ELAVL2: variants seen among roughly 807,000 people sequenced by gnomAD.
ELAVL2 encodes the protein ELAV like RNA binding protein 2, also known as ELAV-like protein 2.
ELAVL2 carries 4 observed loss-of-function variants against 34.6 expected under a neutral mutation model. The observed-to-expected ratio is 0.12, with a 90% CI of 0.06 to 0.26. The LOEUF is 0.26. Ranked by LOEUF, ELAVL2 falls within the 10% of genes least tolerant of loss-of-function variation. ELAVL2 has a pLI of 1.00. For missense variants in ELAVL2, 432 were observed against 442.8 expected (o/e 0.98, Z 0.22); for synonymous variants, 193 against 154.8 (o/e 1.25, Z -1.83).
intron 1 of ELAVL2, among the ~76,000 whole-genome samples, chr9:23,816,292 G>A (rs1775122): frequency 2.3e-5 from 1 of 43,102 alleles, no homozygotes; most frequent in Non-Finnish European, 4.1e-5. Context: ...AATTAGTCAA[G>A]AAAGTGTGTA....
intron 3 of ELAVL2, among the ~76,000 whole-genome samples, chr9:23,707,937 G>A (rs1412563612): frequency 6.6e-6 from 1 of 152,174 alleles, no homozygotes; most frequent in African/African-American, 2.4e-5. Flanking sequence ...CAATTCAGAT[G>A]AGTGTAGGTG....
chr9:23,749,668 A>T (rs756493301), intron 2 of ELAVL2, among the ~76,000 whole-genome samples: 42 of 152,126 alleles, frequency 2.8e-4, no homozygotes, highest in Non-Finnish European at 5.6e-4. Flanking sequence ...AGGGTGCAGA[A>T]CGTGACTTTT....
Position 23,762,202 on chromosome 9 carries a change from G to A in ELAVL2, c.33C>T (p.Cys11=), listed in dbSNP as rs935812481. The change falls in exon 2 of 7, where the codon TGC becomes TGT. Residue 11 remains cysteine, a synonymous_variant. Coordinates refer to ENST00000397312, the MANE Select transcript of ELAVL2 (RefSeq NM_004432.5). METQLSNGPT[C]NNTANGPTTI... Reference sequence around the variant, plus strand: ...TGGTTGGACCATTGGCTGTGTTATTGCAAGTTGGCCCATTAGACAGTTGTG... The same window carrying A: ...TGGTTGGACCATTGGCTGTGTTATTACAAGTTGGCCCATTAGACAGTTGTG... 3 of 1,613,526 alleles carry A rather than the reference G, an allele frequency of 1.9e-6. No homozygotes were observed.
intron 1 of ELAVL2, among the ~76,000 whole-genome samples, chr9:23,777,762 G>T (rs2058453874): frequency 6.6e-6 from 1 of 152,112 alleles, no homozygotes; most frequent in African/African-American, 2.4e-5. Flanking sequence ...TGCATCGCTG[G>T]CTACCAAGAC....
intron 6 of ELAVL2, 136 bp downstream of exon 6, chr9:23,693,312 G>A: frequency 2.8e-6 from 3 of 1,071,280 alleles, no homozygotes; most frequent in African/African-American, 3.2e-5. Flanking sequence ...GCTTCAAAGA[G>A]CAGCTTTTCA....
chr9:23,770,998 G>A (rs2057205931), intron 1 of ELAVL2, among the ~76,000 whole-genome samples: 2 of 152,096 alleles, frequency 1.3e-5, no homozygotes, highest in South Asian at 4.1e-4. Context: ...GGGCCTTGAA[G>A]GCCACCATAA....
At chr9:23,791,209 G>T (rs2060281731) in intron 1 of ELAVL2, among the ~76,000 whole-genome samples, 1 of 152,160 alleles carries the variant, frequency 6.6e-6, no homozygotes, top group Non-Finnish European at 1.5e-5. Flanking sequence ...AAATGGAAAA[G>T]AAATCTCCAG....
chr9:23,697,470 A>G (rs982243102), intron 5 of ELAVL2, among the ~76,000 whole-genome samples: 1 of 152,234 alleles, frequency 6.6e-6, no homozygotes. Context: ...GACATTTAAT[A>G]CAGATTGTCT....
intron 3 of ELAVL2, among the ~76,000 whole-genome samples, chr9:23,726,149 A>T (rs2045096225): frequency 6.6e-6 from 1 of 152,138 alleles, no homozygotes; most frequent in African/African-American, 2.4e-5. Context: ...TATAAATTTA[A>T]CAAAAAGTTA....
In ELAVL2 at chr9:23,811,985, G is replaced by C. The variant is rs542908188; in HGVS notation, c.-16+13821C>G. The stretch of plus-strand genomic sequence containing the variant: ...AAATAGACAAAATGGACCAAGAAAA[G>C]ACACAGTCCTGTCCCTAAAGCAATA... On this transcript the variant is annotated intron_variant, in intron 1 of 6. Coordinates refer to ENST00000397312, the MANE Select transcript of ELAVL2 (RefSeq NM_004432.5). Among the ~76,000 whole-genome samples the C allele has an allele frequency of 2.0e-5, 3 of 152,214 alleles. No homozygotes were observed. The East Asian group carries it at 5.8e-4, about 29-fold the overall frequency.
At chr9:23,735,916 G>A (rs906613138) in intron 2 of ELAVL2, among the ~76,000 whole-genome samples, 1 of 152,108 alleles carries the variant, frequency 6.6e-6, no homozygotes, top group Non-Finnish European at 1.5e-5. Flanking sequence ...CCGTTTAGTG[G>A]CAAAGTGCTA....
At chr9:23,838,206 T>C in the ELAVL2 span, among the ~76,000 whole-genome samples, 1 of 148,992 alleles carries the variant, frequency 6.7e-6, no homozygotes, top group South Asian at 2.1e-4. Flanking sequence ...TTATAGTTAC[T>C]TTTTTTTTTA....
At chr9:23,744,834 T>C (rs2050121002) in intron 2 of ELAVL2, among the ~76,000 whole-genome samples, 3 of 152,130 alleles carry the variant, frequency 2.0e-5, no homozygotes. Flanking sequence ...AAAGCTAATT[T>C]GTTCCTTCAT....
rs761439884 is a variant in ELAVL2, at chr9:23,762,046, A to G, written c.189T>C (p.Gly63=). The G allele has an allele frequency of 6.2e-7, 1 of 1,613,216 alleles. No homozygotes were observed. Among genetic ancestry groups the G allele is most frequent in the South Asian group, 1.1e-5 (1 of 91,038 alleles). The change falls in exon 2 of 7, where the codon GGT becomes GGC. Residue 63 remains glycine (G), a synonymous_variant. Transcript: ENST00000397312. ...EELKSLFGSI[G]EIESCKLVRD... ...TTACAAGCTTACAGGACTCTATTTCACCAATGCTCCCAAAGAGACTCTTTA... is the reference window on the plus strand; with the variant it reads ...TTACAAGCTTACAGGACTCTATTTCGCCAATGCTCCCAAAGAGACTCTTTA...
At chr9:23,812,334 C>G (rs2063123589) in intron 1 of ELAVL2, among the ~76,000 whole-genome samples, 1 of 152,074 alleles carries the variant, frequency 6.6e-6, no homozygotes, top group East Asian at 1.9e-4. Flanking sequence ...CTTCAACAAA[C>G]TCAAAAACAA....
intron 1 of ELAVL2, chr9:23,821,511 A>G (rs569176685): frequency 2.6e-5 from 4 of 152,316 alleles, no homozygotes; most frequent in Admixed American, 2.6e-4. Context: ...TGCTAGACGC[A>G]GCGGGGGCGC....
chr9:23,696,415 A>G (rs2035240586), intron 5 of ELAVL2, among the ~76,000 whole-genome samples: 1 of 152,244 alleles, frequency 6.6e-6, no homozygotes, highest in Non-Finnish European at 1.5e-5. Flanking sequence ...TACTACAACA[A>G]GCCCCTAGAA....
intron 3 of ELAVL2, among the ~76,000 whole-genome samples, chr9:23,705,846 G>A (rs879758808): frequency 2.6e-5 from 4 of 152,110 alleles, no homozygotes; most frequent in Non-Finnish European, 4.4e-5. Context: ...CATGGCCAGG[G>A]GTTGGGAACA....
chr9:23,698,354 C>T (rs2035986798), intron 5 of ELAVL2, among the ~76,000 whole-genome samples: 1 of 152,190 alleles, frequency 6.6e-6, no homozygotes, highest in African/African-American at 2.4e-5. Flanking sequence ...CATATTACAA[C>T]AATTCTCTGA....
Sources: gnomAD v4.1 joint callset for allele counts (sites outside exome capture counted in the v4.1 genomes callset) on GRCh38, gnomAD v4.1.1 for gene constraint, MANE v1.5 for transcripts, NCBI Gene and HGNC (gene_info 2026-07-23, HGNC 2026-07-21) for gene names.